The following ADGRB3 variants were observed in gnomAD, a reference collection of about 807,000 sequenced individuals.
ADGRB3 encodes the protein adhesion G protein-coupled receptor B3, also known as brain-specific angiogenesis inhibitor 3.
Under a neutral mutation model 193.4 loss-of-function variants are expected in ADGRB3, and 37 were observed. The ratio of observed to expected loss-of-function variants is 0.19; its 90% confidence interval spans 0.15 to 0.25. The LOEUF is 0.25. Ranked by LOEUF, ADGRB3 falls within the 10% of genes least tolerant of loss-of-function variation. The probability of loss-of-function intolerance (pLI) is 1.00; values close to 1 mark genes in which losing one functional copy is unlikely to be tolerated. For missense variants in ADGRB3, 1,637 were observed against 1,852.9 expected (o/e 0.88, Z 2.14); for synonymous variants, 690 against 644.2 (o/e 1.07, Z -1.08).
chr6:68,995,318 C>CA (rs1184664725), intron 11 of ADGRB3, among the ~76,000 whole-genome samples: 2 of 151,988 alleles, frequency 1.3e-5, no homozygotes, highest in Admixed American at 6.6e-5. Context: ...GTTGTGATTT[C>CA]AAAAAAATTC....
chr6:68,886,081 G>T (rs1381676292), intron 3 of ADGRB3, among the ~76,000 whole-genome samples: 1 of 152,084 alleles, frequency 6.6e-6, no homozygotes, highest in Non-Finnish European at 1.5e-5. Flanking sequence ...GTTAGGAATG[G>T]TTTTTGTGAT....
chr6:69,173,456 T>C (rs1318729552), intron 17 of ADGRB3, among the ~76,000 whole-genome samples: 1 of 152,232 alleles, frequency 6.6e-6, no homozygotes, highest in African/African-American at 2.4e-5. Context: ...CTTCTGAATT[T>C]ATATTTTTGT....
At chr6:68,823,589 C>A (rs555262031) in intron 3 of ADGRB3, among the ~76,000 whole-genome samples, 6 of 152,022 alleles carry the variant, frequency 3.9e-5, no homozygotes, top group African/African-American at 1.4e-4. Context: ...TCCATTTGCT[C>A]ATGGAAAGAT....
chr6:69,017,282 A>G (rs1483278465), intron 12 of ADGRB3, among the ~76,000 whole-genome samples: 7 of 151,902 alleles, frequency 4.6e-5, no homozygotes, highest in Non-Finnish European at 5.9e-5. Flanking sequence ...TCTATTATTC[A>G]GAATGCCTTT....
At chr6:69,040,707 A>AAAAAAAAAAC (rs1771038176) in intron 13 of ADGRB3, among the ~76,000 whole-genome samples, 1 of 60,394 alleles carries the variant, frequency 1.7e-5, no homozygotes, top group African/African-American at 6.8e-5. Context: ...AAAAAAAAAA[A>AAAAAAAAAAC]AACAAACAAG....
intron 3 of ADGRB3, among the ~76,000 whole-genome samples, chr6:68,892,722 A>G (rs1766113199): frequency 2.0e-5 from 3 of 152,190 alleles, no homozygotes; most frequent in Admixed American, 2.0e-4. Context: ...AGAAGTTTCC[A>G]TAAGCAAGTT....
chr6:69,149,763 T>C (rs1774613881), intron 17 of ADGRB3, among the ~76,000 whole-genome samples: 1 of 152,064 alleles, frequency 6.6e-6, no homozygotes, highest in South Asian at 2.1e-4. Context: ...TTATCTGCAT[T>C]AGAGGGCACC....
At chr6:68,774,391 G>A (rs1295330886) in intron 3 of ADGRB3, among the ~76,000 whole-genome samples, 1 of 145,954 alleles carries the variant, frequency 6.9e-6, no homozygotes, top group Non-Finnish European at 1.5e-5. Context: ...TTTTTTTGGT[G>A]GGGGGAATAT....
chr6:69,186,178 C>CAA (rs70987457), intron 17 of ADGRB3, among the ~76,000 whole-genome samples: 9,634 of 107,232 alleles, frequency 0.09, 440 homozygotes, highest in Non-Finnish European at 0.12. Flanking sequence ...AATGAAATAG[C>CAA]AAAAAAAAAA....
chr6:69,137,492 T>C (rs1233335095), intron 17 of ADGRB3, among the ~76,000 whole-genome samples: 1 of 151,938 alleles, frequency 6.6e-6, no homozygotes. Flanking sequence ...TTCACTATAT[T>C]AGTTACTGTA....
intron 3 of ADGRB3, among the ~76,000 whole-genome samples, chr6:68,825,353 A>G (rs1457146191): frequency 6.6e-6 from 1 of 152,174 alleles, no homozygotes; most frequent in African/African-American, 2.4e-5. Context: ...CTTTTGCTAG[A>G]TAACTCACAG....
At position 69,282,430 on chromosome 6, in the gene ADGRB3, G is replaced by A. The variant is rs537029117; in HGVS notation, c.2815-42442G>A. Reference sequence around the variant, plus strand: ...AGAGAGACAAATTTAATGAAGGCACGGGAGAGTCTAAATTACTTTTGTCAA... The same window carrying A: ...AGAGAGACAAATTTAATGAAGGCACAGGAGAGTCTAAATTACTTTTGTCAA... On this transcript the variant is annotated intron_variant, in intron 20 of 31. Coordinates refer to ENST00000370598, the MANE Select transcript of ADGRB3 (RefSeq NM_001704.3). 2.6e-5 allele frequency among the ~76,000 whole-genome samples: 4 copies of A among 152,196 alleles called. No homozygotes were observed. In the South Asian group the frequency reaches 6.2e-4, roughly 24 times the overall value.
chr6:69,166,935 T>G (rs1775144279), intron 17 of ADGRB3, among the ~76,000 whole-genome samples: 1 of 152,142 alleles, frequency 6.6e-6, no homozygotes, highest in Non-Finnish European at 1.5e-5. Flanking sequence ...TGCTAAAGAT[T>G]TAAGAAAAAT....
intron 3 of ADGRB3, among the ~76,000 whole-genome samples, chr6:68,813,335 A>T (rs1278564605): frequency 6.6e-6 from 1 of 152,150 alleles, no homozygotes; most frequent in African/African-American, 2.4e-5. Flanking sequence ...TATCAGTAGC[A>T]TGAAAACGGA....
At chr6:69,279,570 T>C (rs1767389419) in intron 20 of ADGRB3, among the ~76,000 whole-genome samples, 1 of 152,126 alleles carries the variant, frequency 6.6e-6, no homozygotes, top group Non-Finnish European at 1.5e-5. Context: ...TAATTATACA[T>C]ATATATATTT....
intron 13 of ADGRB3, among the ~76,000 whole-genome samples, chr6:69,027,483 A>G (rs1202076457): frequency 6.6e-6 from 1 of 152,228 alleles, no homozygotes; most frequent in Non-Finnish European, 1.5e-5. Flanking sequence ...GGTAAAATGT[A>G]CAGTATAGTA....
intron 30 of ADGRB3, among the ~76,000 whole-genome samples, chr6:69,374,187 T>C (rs888081787): frequency 3.9e-5 from 6 of 152,084 alleles, no homozygotes; most frequent in Non-Finnish European, 7.4e-5. Context: ...ACTTTTACTC[T>C]ACAAATTGTT....
chr6:69,078,686 G>A (rs1772302530), intron 17 of ADGRB3, among the ~76,000 whole-genome samples: 1 of 151,872 alleles, frequency 6.6e-6, no homozygotes, highest in Non-Finnish European at 1.5e-5. Flanking sequence ...ATCTCTCCCT[G>A]AGGATATCTC....
intron 3 of ADGRB3, among the ~76,000 whole-genome samples, chr6:68,870,175 A>G (rs1260653445): frequency 6.6e-6 from 1 of 152,212 alleles, no homozygotes; most frequent in African/African-American, 2.4e-5. Flanking sequence ...AGAAACCAGT[A>G]GCATTATTTC....
Sources: gnomAD v4.1 joint callset for allele counts (sites outside exome capture counted in the v4.1 genomes callset) on GRCh38, gnomAD v4.1.1 for gene constraint, MANE v1.5 for transcripts, NCBI Gene and HGNC (gene_info 2026-07-23, HGNC 2026-07-21) for gene names.